The following SERPINB5 variants were observed in gnomAD, a reference collection of about 807,000 sequenced individuals.
SERPINB5 encodes serpin family B member 5, also known as serpin B5.
A neutral mutation model predicts 32.2 loss-of-function variants in SERPINB5; 27 were observed. That is an observed-to-expected ratio of 0.84 (90% CI 0.62 to 1.16). SERPINB5 has a LOEUF of 1.16. SERPINB5 is among the 50% of genes most tolerant of loss of function. The pLI is 0.00. For synonymous variants in SERPINB5, 154 were observed against 157.4 expected (o/e 0.98, Z 0.16); for missense variants, 388 against 436.3 (o/e 0.89, Z 0.99).
At chr18:63,489,059 T>C (rs1193846811) in intron 3 of SERPINB5, among the ~76,000 whole-genome samples, 2 of 152,194 alleles carry the variant, frequency 1.3e-5, no homozygotes, top group African/African-American at 2.4e-5. Flanking sequence ...GTTTCTGAAA[T>C]TACAACCCAT....
chr18:63,487,688 A>T (rs1283683566), intron 3 of SERPINB5, among the ~76,000 whole-genome samples: 9 of 152,196 alleles, frequency 5.9e-5, no homozygotes, highest in Admixed American at 5.2e-4. Context: ...TACAAACACC[A>T]CTACGGTACC....
intron 5 of SERPINB5, among the ~76,000 whole-genome samples, chr18:63,495,957 C>T (rs1308041085): frequency 6.6e-6 from 1 of 152,168 alleles, no homozygotes; most frequent in Non-Finnish European, 1.5e-5. Flanking sequence ...TTTTCTTATG[C>T]CCCGTGGTGT....
intron 4 of SERPINB5, among the ~76,000 whole-genome samples, chr18:63,490,212 A>G (rs1177412020): frequency 6.6e-6 from 1 of 151,562 alleles, no homozygotes; most frequent in Non-Finnish European, 1.5e-5. Context: ...AACCAAACCA[A>G]ACAAAACCGT....
chr18:63,487,149 G>T (rs2144497599), intron 3 of SERPINB5, 66 bp downstream of exon 3: 1 of 1,498,672 alleles, frequency 6.7e-7, no homozygotes, highest in Middle Eastern at 2.2e-4. Flanking sequence ...CATGCTGTTA[G>T]ACCTACAACT....
rs1226691450 is a variant in SERPINB5, at chr18:63,491,359, G to A, written c.425-1594G>A. ...GGAGGTTGCAATGAGCTGAGATCGC[G>A]CCATTGCACTCCAGCCTGGGTGAGA... On this transcript the variant is annotated intron_variant, in intron 4 of 6. Coordinates refer to ENST00000382771, the MANE Select transcript of SERPINB5 (RefSeq NM_002639.5). 6.0e-5 allele frequency among the ~76,000 whole-genome samples: 8 copies of A among 133,734 alleles called. No homozygotes were observed. In the East Asian group the frequency reaches 9.1e-4, roughly 15 times the overall value. 87.7% of individuals were successfully genotyped at this position (133,734 alleles called of 152,430 possible). A position where few individuals can be genotyped will look rare whatever the true frequency, so the allele number is the denominator to read the frequency against.
At chr18:63,480,019 T>A (rs1190127748) in intron 1 of SERPINB5, among the ~76,000 whole-genome samples, 1 of 152,064 alleles carries the variant, frequency 6.6e-6, no homozygotes, top group Non-Finnish European at 1.5e-5. Context: ...GGCGGGGAAG[T>A]GCCAGGCTGG....
At chr18:63,480,728 A>G (rs1200337610) in intron 1 of SERPINB5, among the ~76,000 whole-genome samples, 1 of 152,220 alleles carries the variant, frequency 6.6e-6, no homozygotes, top group Non-Finnish European at 1.5e-5. Flanking sequence ...TAGTGTTTTT[A>G]GGTCACTTGG....
intron 4 of SERPINB5, among the ~76,000 whole-genome samples, chr18:63,492,067 C>A (rs1177375824): frequency 1.3e-5 from 2 of 152,010 alleles, no homozygotes; most frequent in African/African-American, 4.8e-5. Context: ...GTGAAGTGGG[C>A]CCTGAACATT....
At chr18:63,494,723 C>T (rs1909413613) in intron 5 of SERPINB5, among the ~76,000 whole-genome samples, 1 of 152,154 alleles carries the variant, frequency 6.6e-6, no homozygotes, top group African/African-American at 2.4e-5. Context: ...TTCTTTGTTC[C>T]CATGGAATTT....
chr18:63,498,493 C>T lies in SERPINB5; in HGVS notation c.568-627C>T, dbSNP rs1909496879. Among the ~76,000 whole-genome samples the T allele has an allele frequency of 6.6e-6, 1 of 152,162 alleles. No homozygotes were observed. Among genetic ancestry groups the T allele is most frequent in the Non-Finnish European group, 1.5e-5 (1 of 68,034 alleles). On this transcript the variant is annotated intron_variant, in intron 5 of 6. Transcript: ENST00000382771. This position sits in a 1 kb window ranked among gnomAD's most constrained non-coding sequence, Gnocchi z 4.2. ...AATAGTTTAAAGATCTCATAGGCAT[C>T]TGTAAAGAATAACAAACGTTGCCTA...
chr18:63,503,851 A>G lies in SERPINB5; in HGVS notation c.*129A>G. The G allele has an allele frequency of 6.5e-6, 6 of 920,172 alleles. No individual in the cohort carries two copies. Among genetic ancestry groups the G allele is most frequent in the Non-Finnish European group, 1.0e-5 (6 of 598,174 alleles). The allele number at this position is 920,172 out of a possible 1,614,324, so 57.0% of individuals were successfully genotyped here. On this transcript the variant is annotated 3_prime_UTR_variant, in exon 7 of 7. Transcript: ENST00000382771. Reference sequence around the variant, plus strand: ...GTTGCTGGATCAGGAAGCCGCCAGTACTTGTCATATGTAGCCTTCACACAG... The same window carrying G: ...GTTGCTGGATCAGGAAGCCGCCAGTGCTTGTCATATGTAGCCTTCACACAG...
At chr18:63,494,321 C>CAAAAAAA (rs372412366) in intron 5 of SERPINB5, among the ~76,000 whole-genome samples, 31 of 46,618 alleles carry the variant, frequency 6.6e-4, no homozygotes, top group East Asian at 2.7e-3. Context: ...GACTCCATCT[C>CAAAAAAA]AAAAAAAAAA....
At chr18:63,481,744 T>G (rs1917130390) in intron 1 of SERPINB5, among the ~76,000 whole-genome samples, 1 of 152,218 alleles carries the variant, frequency 6.6e-6, no homozygotes. Flanking sequence ...TTTCTTTATG[T>G]TTTCCCAGTG....
At chr18:63,478,037 C>T (rs903488156) in intron 1 of SERPINB5, among the ~76,000 whole-genome samples, 2 of 152,090 alleles carry the variant, frequency 1.3e-5, no homozygotes, top group Non-Finnish European at 2.9e-5. Context: ...GGGAGGTTTT[C>T]GATAATGGGT....
At chr18:63,495,080 T>C (rs2144505148) in intron 5 of SERPINB5, among the ~76,000 whole-genome samples, 1 of 152,276 alleles carries the variant, frequency 6.6e-6, no homozygotes, top group Non-Finnish European at 1.5e-5. Flanking sequence ...ACTCAAAATA[T>C]CCATGGGAGC....
At chr18:63,493,196 G>T in intron 5 of SERPINB5, 101 bp downstream of exon 5, 1 of 1,504,818 alleles carries the variant, frequency 6.6e-7, no homozygotes. Flanking sequence ...AGGAACCTGA[G>T]GGCACGGCCG....
intron 1 of SERPINB5, among the ~76,000 whole-genome samples, chr18:63,480,827 A>G (rs1354239877): frequency 6.6e-6 from 1 of 152,168 alleles, no homozygotes; most frequent in African/African-American, 2.4e-5. Flanking sequence ...AACCTTTTCC[A>G]TGTACAGACC....
At chr18:63,484,869 T>C (rs527469285) in intron 2 of SERPINB5, among the ~76,000 whole-genome samples, 1 of 150,102 alleles carries the variant, frequency 6.7e-6, no homozygotes, top group East Asian at 2.0e-4. Flanking sequence ...GCCTGCCGAG[T>C]AGCTGGGATG....
At position 63,499,227 on chromosome 18, in the gene SERPINB5, T is replaced by A. The variant is rs1238013304; in HGVS notation, c.675T>A (p.His225Gln). Residue 225 changes from histidine (H) to glutamine (Q), a missense_variant, in exon 6 of 7, where the codon CAT becomes CAA. Coordinates refer to ENST00000382771, the MANE Select transcript of SERPINB5 (RefSeq NM_002639.5). ...TAGAGCTTCCTTTTCAAAATAAGCA[T>A]CTCAGCATGTTCATCCTACTACCCA... ...KIIELPFQNKHLSMFILLPKD... is the reference protein window; with the variant it reads ...KIIELPFQNKQLSMFILLPKD... 1 of 1,601,242 alleles carries A rather than the reference T, an allele frequency of 6.2e-7. No homozygotes were observed. The highest frequency in any genetic ancestry group is 1.1e-5 in the South Asian group (1 of 89,024).
Sources: allele counts gnomAD v4.1 joint callset (sites outside exome capture counted in the v4.1 genomes callset), GRCh38; gene constraint gnomAD v4.1.1; non-coding constraint Gnocchi (gnomAD v3.1); transcripts MANE v1.5; gene names NCBI Gene and HGNC (gene_info 2026-07-23, HGNC 2026-07-21).